The following EXOC2 variants were observed in gnomAD, a reference collection of about 807,000 sequenced individuals.
The protein encoded by EXOC2 is exocyst complex component 2.
In EXOC2, 70 loss-of-function variants were observed where a neutral mutation model predicts 131.8. The observed-to-expected ratio is 0.53, with a 90% CI of 0.44 to 0.65. EXOC2 has a LOEUF of 0.65. Among genes scored for constraint, EXOC2 ranks in the 30% least tolerant of loss-of-function variants. The probability of loss-of-function intolerance (pLI) is 0.00; values close to 1 mark genes in which losing one functional copy is unlikely to be tolerated. For missense variants in EXOC2, 923 were observed against 1,108.6 expected (o/e 0.83, Z 2.38); for synonymous variants, 411 against 398.4 (o/e 1.03, Z -0.38).
At chr6:636,188 GA>G (rs1356069330) in intron 2 of EXOC2, among the ~76,000 whole-genome samples, 1 of 152,220 alleles carries the variant, frequency 6.6e-6, no homozygotes, top group African/African-American at 2.4e-5. Flanking sequence ...AGCGCACAAT[GA>G]CTGCCAGCGA....
intron 1 of EXOC2, among the ~76,000 whole-genome samples, chr6:642,378 G>A (rs537890473): frequency 6.6e-6 from 1 of 152,298 alleles, no homozygotes; most frequent in East Asian, 1.9e-4. Flanking sequence ...AACTGAATTA[G>A]AGGACATCTA....
In EXOC2 at chr6:633,053, T is replaced by C; in HGVS notation, c.183A>G (p.Val61=). Residue 61 remains valine, a synonymous_variant, in exon 3 of 28, where the codon GTA becomes GTG. Transcript: ENST00000230449. ...CATTTTTGGCTTGTCCCACTCGACA[T>C]ACTATTTTACTTGCAGACATCCATT... ...TAEWMSASKI[V]CRVGQAKNDK... 1 of 1,614,170 alleles carries C rather than the reference T, an allele frequency of 6.2e-7. No homozygotes were observed. Among genetic ancestry groups the C allele is most frequent in the Non-Finnish European group, 8.5e-7 (1 of 1,180,028 alleles).
intron 1 of EXOC2, among the ~76,000 whole-genome samples, chr6:668,293 T>C (rs908812150): frequency 6.6e-6 from 1 of 152,160 alleles, no homozygotes; most frequent in Non-Finnish European, 1.5e-5. Context: ...TCTCCTACAG[T>C]CCCCTCATTG....
chr6:618,086 A>G (rs962735650), intron 5 of EXOC2, among the ~76,000 whole-genome samples: 2 of 152,214 alleles, frequency 1.3e-5, no homozygotes, highest in Admixed American at 1.3e-4. Context: ...TTCCAAATAC[A>G]TTAGACCCCT....
chr6:554,852 A>G (rs1264705526), intron 20 of EXOC2, among the ~76,000 whole-genome samples: 1 of 152,252 alleles, frequency 6.6e-6, no homozygotes, highest in Admixed American at 6.5e-5. Flanking sequence ...TAAGCTTGAC[A>G]TAATTCTACC....
chr6:570,428 T>C (rs112544571), intron 13 of EXOC2, among the ~76,000 whole-genome samples: 6,477 of 152,308 alleles, frequency 0.043, 164 homozygotes, highest in South Asian at 0.12. Flanking sequence ...CCACCGCGCC[T>C]GGCCCTAAAA....
chr6:612,883 A>C (rs1414845117), intron 6 of EXOC2, among the ~76,000 whole-genome samples: 1 of 152,232 alleles, frequency 6.6e-6, no homozygotes, highest in Non-Finnish European at 1.5e-5. Flanking sequence ...GAAAGGGGCA[A>C]GTGATAATGC....
intron 11 of EXOC2, among the ~76,000 whole-genome samples, chr6:590,839 G>A (rs1434180599): frequency 6.6e-6 from 1 of 152,066 alleles, no homozygotes; most frequent in East Asian, 1.9e-4. Flanking sequence ...CGAGTTCCAA[G>A]GGACCACCTG....
intron 2 of EXOC2, among the ~76,000 whole-genome samples, chr6:636,595 G>A (rs13197241): frequency 6.6e-6 from 1 of 152,172 alleles, no homozygotes; most frequent in African/African-American, 2.4e-5. Flanking sequence ...CTATCAACCA[G>A]CAGTCATAAT....
At chr6:617,859 A>T in intron 5 of EXOC2, 24 bp from the exon 6 acceptor site, 1 of 1,608,012 alleles carries the variant, frequency 6.2e-7, no homozygotes, top group South Asian at 1.1e-5. Flanking sequence ...AAGAAACCAA[A>T]GTTTGACACT....
In EXOC2 at chr6:556,021, G is replaced by A; in HGVS notation, c.1933-8C>T. ...TTTAGGTTGTTGGAAGACCTGTAAGGAAGAATTTTGATGAAAATTTTTGGA... is the reference window on the plus strand; with the variant it reads ...TTTAGGTTGTTGGAAGACCTGTAAGAAAGAATTTTGATGAAAATTTTTGGA... On this transcript the variant is annotated splice_region_variant and splice_polypyrimidine_tract_variant and intron_variant, in intron 18 of 27. Transcript: ENST00000230449. The A allele has an allele frequency of 1.2e-6, 2 of 1,612,238 alleles. No homozygotes were observed. Among genetic ancestry groups the A allele is most frequent in the East Asian group, 4.5e-5 (2 of 44,872 alleles).
chr6:488,308 C>T lies in EXOC2; in HGVS notation c.2681+671G>A, dbSNP rs186503928. ...CACCACATGTGCCTGTCTATGGGCC[C>T]GGCAGCCACGTGCAGGGCGGGTGGT... On this transcript the variant is annotated intron_variant, in intron 27 of 27. Coordinates refer to ENST00000230449, the MANE Select transcript of EXOC2 (RefSeq NM_018303.6). Among the ~76,000 whole-genome samples the T allele has an allele frequency of 1.9e-3, 288 of 152,326 alleles. 1 individual carries two copies. Among genetic ancestry groups the T allele is most frequent in the African/African-American group, 6.5e-3 (271 of 41,564 alleles).
chr6:652,500 G>C (rs1010500981), intron 1 of EXOC2, among the ~76,000 whole-genome samples: 1 of 152,034 alleles, frequency 6.6e-6, no homozygotes, highest in African/African-American at 2.4e-5. Context: ...TAAACATAAA[G>C]GTTGCCAAGT....
chr6:516,358 C>T (rs9504173), intron 23 of EXOC2, among the ~76,000 whole-genome samples: 46 of 152,162 alleles, frequency 3.0e-4, no homozygotes, highest in African/African-American at 1.0e-3. Flanking sequence ...CAAACTGCAG[C>T]GCTCGTTGTC....
chr6:544,101 T>C (rs1756703146), intron 22 of EXOC2, among the ~76,000 whole-genome samples: 1 of 152,212 alleles, frequency 6.6e-6, no homozygotes, highest in East Asian at 1.9e-4. Context: ...TCAAAGTTTT[T>C]GGCTTAGGAA....
intron 25 of EXOC2, among the ~76,000 whole-genome samples, chr6:495,127 CTT>C (rs11335527): frequency 1.3e-3 from 158 of 119,604 alleles, no homozygotes; most frequent in Middle Eastern, 4.3e-3. Context: ...GGTGAACATT[CTT>C]TTTTTTTTTT....
intron 4 of EXOC2, among the ~76,000 whole-genome samples, chr6:625,322 G>A (rs144326450): frequency 1.7e-3 from 263 of 152,320 alleles, no homozygotes; most frequent in African/African-American, 6.0e-3. Context: ...TGGCTGCAGC[G>A]GTGTTATTCC....
intron 12 of EXOC2, among the ~76,000 whole-genome samples, chr6:572,865 C>A (rs1159897132): frequency 6.6e-6 from 1 of 152,246 alleles, no homozygotes; most frequent in Admixed American, 6.5e-5. Context: ...CAAGGAAGAG[C>A]CCCTCTCCCT....
intron 21 of EXOC2, among the ~76,000 whole-genome samples, chr6:553,009 T>C (rs1369514579): frequency 6.6e-6 from 1 of 152,102 alleles, no homozygotes; most frequent in Non-Finnish European, 1.5e-5. Context: ...GCTTCTCCTC[T>C]TGGGCTGAAG....
Sources: gnomAD v4.1 joint callset for allele counts (sites outside exome capture counted in the v4.1 genomes callset) on GRCh38, gnomAD v4.1.1 for gene constraint, MANE v1.5 for transcripts, NCBI Gene and HGNC (gene_info 2026-07-23, HGNC 2026-07-21) for gene names.